Variants in DNAAF1 observed in about 807,000 individuals in gnomAD.
DNAAF1 encodes dynein axonemal assembly factor 1.
In DNAAF1, 65 loss-of-function variants were observed where a neutral mutation model predicts 71.1. The ratio of observed to expected loss-of-function variants is 0.91; its 90% CI spans 0.75 to 1.12. DNAAF1 has a LOEUF of 1.12. Ranked by LOEUF, DNAAF1 falls within the 50% of genes most tolerant of loss-of-function variation. The pLI is 0.00. For synonymous variants in DNAAF1, 414 were observed against 354.6 expected, an observed-to-expected ratio of 1.17 and a Z score of -1.88; for missense variants, 1,178 against 899.8, an observed-to-expected ratio of 1.31 and a Z score of -3.96.
chr16:84,165,378 GT>G (rs2087920950), intron 6 of DNAAF1, among the ~76,000 whole-genome samples: 1 of 152,028 alleles, frequency 6.6e-6, no homozygotes, highest in African/African-American at 2.4e-5. Flanking sequence ...TAGAGACAGG[GT>G]TTTGCTATGT....
chr16:84,146,439 A>G (rs2086914042), intron 1 of DNAAF1, among the ~76,000 whole-genome samples: 2 of 151,960 alleles, frequency 1.3e-5, no homozygotes, highest in South Asian at 4.2e-4. Flanking sequence ...CTTCATGGCC[A>G]GGCACGGTGG....
In DNAAF1 at chr16:84,145,378, C is replaced by A. The variant is rs1172417216; in HGVS notation, c.-63C>A. Reference sequence around the variant, plus strand: ...CTCTCTGGCTGGGCTGGGGCCGTAGCGACGTCCGCCGCGAACCTGGGCCCC... The same window carrying A: ...CTCTCTGGCTGGGCTGGGGCCGTAGAGACGTCCGCCGCGAACCTGGGCCCC... On this transcript the variant is annotated 5_prime_UTR_variant, in exon 1 of 12. Transcript: ENST00000378553. 3 of 1,551,640 alleles carry A rather than the reference C, an allele frequency of 1.9e-6. No homozygotes were observed. In the East Asian group the frequency reaches 7.2e-5, roughly 37 times the overall value.
At chr16:84,153,961 C>G (rs2087297444) in intron 3 of DNAAF1, among the ~76,000 whole-genome samples, 1 of 152,062 alleles carries the variant, frequency 6.6e-6, no homozygotes, top group South Asian at 2.1e-4. Context: ...AGCAAGACCC[C>G]CTAGGATTCA....
intron 6 of DNAAF1, among the ~76,000 whole-genome samples, chr16:84,163,578 A>T (rs1303938922): frequency 6.6e-6 from 1 of 151,770 alleles, no homozygotes; most frequent in African/African-American, 2.4e-5. Context: ...ACAGGGTTTC[A>T]CCATGTTGGC....
chr16:84,172,066 C>CG (rs528021869), intron 8 of DNAAF1, among the ~76,000 whole-genome samples, 194 bp from the exon 9 acceptor site: 250 of 152,112 alleles, frequency 1.6e-3, no homozygotes, highest in Middle Eastern at 6.8e-3. Flanking sequence ...TTAATAGACA[C>CG]GGGGGTTTCA....
intron 9 of DNAAF1, 33 bp from the exon 10 acceptor site, chr16:84,174,636 C>T: frequency 6.2e-7 from 1 of 1,614,076 alleles, no homozygotes; most frequent in East Asian, 2.2e-5. Context: ...GCGTGTACCT[C>T]CCTGGTGATG....
chr16:84,154,932 A>G, intron 4 of DNAAF1, 134 bp downstream of exon 4: 2 of 816,790 alleles, frequency 2.4e-6, no homozygotes, highest in South Asian at 1.5e-5. Flanking sequence ...TTTTTGAGAC[A>G]GAGTCTTGCT....
chr16:84,150,351 C>T lies in DNAAF1; in HGVS notation c.352+9C>T. The T allele has an allele frequency of 1.3e-6, 2 of 1,594,012 alleles. No individual in the cohort carries two copies. Among genetic ancestry groups the T allele is most frequent in the Non-Finnish European group, 1.7e-6 (2 of 1,161,656 alleles). On this transcript the variant is annotated intron_variant, in intron 3 of 11. Coordinates refer to ENST00000378553, the MANE Select transcript of DNAAF1 (RefSeq NM_178452.6). ...GTATTTACACTTTAAAGGTAAGGAC[C>T]TAAGAGAGGAAGTGCTTCACGTCAG...
intron 6 of DNAAF1, among the ~76,000 whole-genome samples, chr16:84,164,486 A>G (rs2087869946): frequency 6.6e-6 from 1 of 152,138 alleles, no homozygotes; most frequent in Non-Finnish European, 1.5e-5. Flanking sequence ...GTTTTGCCTT[A>G]TCTAGAAAGT....
Position 84,154,768 on chromosome 16 carries a change from A to G in DNAAF1, c.544A>G (p.Asn182Asp). 1 of 1,614,182 alleles carries G rather than the reference A, an allele frequency of 6.2e-7. No homozygotes were observed. The change falls in exon 4 of 12, where the codon AAC becomes GAC. Residue 182 changes from asparagine to aspartate, a missense_variant. Physicochemically the swap from Asn to Asp is conservative, Grantham distance 23. Transcript: ENST00000378553. ...LQKLDALNLS[N>D]NYIKTIENLS... The stretch of plus-strand genomic sequence containing the variant: ...GAAACTGGATGCTCTTAACCTCAGC[A>G]ACAATTACATCAAGACCATTGAAAA...
Position 84,177,838 on chromosome 16 carries a change from A to G in DNAAF1, c.2175A>G (p.Ser725=). ...DLTAFPAPKA[S] ...CTGCATTCCCAGCACCGAAAGCATC[A>G]TAGTTTTCCCCAGTTATATGTAGCA... Residue 725 remains serine, a synonymous_variant, in exon 12 of 12, where the codon TCA becomes TCG. Coordinates refer to ENST00000378553, the MANE Select transcript of DNAAF1 (RefSeq NM_178452.6). 5 of 1,613,168 alleles carry G rather than the reference A, an allele frequency of 3.1e-6. No individual in the cohort carries two copies. The highest frequency in any genetic ancestry group is 4.2e-6 in the Non-Finnish European group (5 of 1,179,176).
In DNAAF1 at chr16:84,155,732, G is replaced by A. The variant is rs938696217; in HGVS notation, c.724G>A (p.Glu242Lys). Residue 242 changes from glutamate (E) to lysine (K), a missense_variant, in exon 5 of 12, where the codon GAA becomes AAA. Glu to Lys is a moderately conservative substitution (Grantham distance 56). Transcript: ENST00000378553. ...TGACCCGGAGATCCTGAGCATTCTG[G>A]AAAGCATGCCCGATTTGGTAAAAAA... is the stretch of plus-strand genomic sequence containing the variant. ...LSDPEILSIL[E>K]SMPDLRVLNL... The A allele has an allele frequency of 6.2e-7, 1 of 1,614,086 alleles. No individual in the cohort carries two copies. Among genetic ancestry groups the A allele is most frequent in the Non-Finnish European group, 8.5e-7 (1 of 1,180,026 alleles).
intron 7 of DNAAF1, among the ~76,000 whole-genome samples, chr16:84,168,174 C>A (rs1462173326): frequency 6.6e-6 from 1 of 152,192 alleles, no homozygotes; most frequent in Non-Finnish European, 1.5e-5. Context: ...TTTCTCACCT[C>A]CTAGAGGCCG....
At chr16:84,171,472 A>C (rs907141059) in intron 8 of DNAAF1, among the ~76,000 whole-genome samples, 2 of 152,112 alleles carry the variant, frequency 1.3e-5, no homozygotes, top group African/African-American at 4.8e-5. Context: ...AAATAAGTAA[A>C]TAAAAAGGAA....
Position 84,148,596 on chromosome 16 carries a change from C to CTTTTTTTTTTTTT in DNAAF1, c.125-405_125-393dup, listed in dbSNP as rs765676142. On this transcript the variant is annotated intron_variant, in intron 1 of 11. Coordinates refer to ENST00000378553, the MANE Select transcript of DNAAF1 (RefSeq NM_178452.6). Reference sequence around the variant, plus strand: ...AAAGATTACTGTTCTCTCTCTCTCTCTTTTTTTTTTTTTTTTTTGGTGAGA... The same window carrying CTTTTTTTTTTTTT: ...AAAGATTACTGTTCTCTCTCTCTCTCTTTTTTTTTTTTTTTTTTTTTTTTTTTTTTTGGTGAGA... 9.0e-4 allele frequency among the ~76,000 whole-genome samples: 39 copies of CTTTTTTTTTTTTT among 43,568 alleles called. 4 individuals carry two copies. The highest frequency in any genetic ancestry group is 2.0e-3 in the East Asian group (2 of 976). 28.6% of individuals were successfully genotyped at this position (43,568 alleles called of 152,430 possible).
chr16:84,173,131 T>C, intron 9 of DNAAF1: 1 of 986,066 alleles, frequency 1.0e-6, no homozygotes, highest in Middle Eastern at 5.2e-4. Context: ...CTGGTGTTTC[T>C]AATGTTCAAA....
At chr16:84,156,242 C>T (rs2087421697) in intron 5 of DNAAF1, among the ~76,000 whole-genome samples, 1 of 152,218 alleles carries the variant, frequency 6.6e-6, no homozygotes, top group Admixed American at 6.5e-5. Context: ...GGATTACAGG[C>T]AAGAGCCATT....
Position 84,176,175 on chromosome 16 carries a change from C to T in DNAAF1, c.1941C>T (p.Ile647=). The T allele has an allele frequency of 1.9e-6, 3 of 1,614,082 alleles. No homozygotes were observed. The highest frequency in any genetic ancestry group is 2.5e-6 in the Non-Finnish European group (3 of 1,180,032). ...KQDTKSPRPL[I]QELSDEDPSG... ...ACACCAAGTCCCCAAGACCCCTGAT[C>T]CAGGAGCTCAGCGACGAGGACCCCT... is the stretch of plus-strand genomic sequence containing the variant. Residue 647 remains isoleucine (I), a synonymous_variant, in exon 11 of 12, where the codon ATC becomes ATT. Coordinates refer to ENST00000378553, the MANE Select transcript of DNAAF1 (RefSeq NM_178452.6).
intron 6 of DNAAF1, among the ~76,000 whole-genome samples, chr16:84,163,873 T>TTG (rs1555523656): frequency 6.7e-6 from 1 of 149,358 alleles, no homozygotes; most frequent in Non-Finnish European, 1.5e-5. Context: ...TTTTTTTTTT[T>TTG]GTGGGGGACA....
Sources: allele counts gnomAD v4.1 joint callset (sites outside exome capture counted in the v4.1 genomes callset), GRCh38; gene constraint gnomAD v4.1.1; transcripts MANE v1.5; gene names NCBI Gene and HGNC (gene_info 2026-07-23, HGNC 2026-07-21).